GMFG: variants seen among roughly 807,000 people sequenced by gnomAD.
The protein encoded by GMFG is glia maturation factor gamma.
Under a neutral mutation model 26.1 loss-of-function variants are expected in GMFG, and 21 were observed. The observed-to-expected ratio is 0.80, with a 90% CI of 0.57 to 1.16. GMFG has a LOEUF of 1.16. GMFG is among the 50% of genes most tolerant of loss of function. The pLI is 0.00. For missense variants in GMFG, 161 were observed against 178.3 expected, an observed-to-expected ratio of 0.90 and a Z score of 0.55; for synonymous variants, 65 against 60.8, an observed-to-expected ratio of 1.07 and a Z score of -0.32.
chr19:39,331,146 T>C (rs1290858238), intron 4 of GMFG, among the ~76,000 whole-genome samples: 3 of 151,898 alleles, frequency 2.0e-5, no homozygotes, highest in African/African-American at 7.3e-5. Flanking sequence ...AGGCAAGGGG[T>C]GCCTTCTGGA....
At position 39,333,080 on chromosome 19, in the gene GMFG, G is replaced by A; in HGVS notation, c.197C>T (p.Pro66Leu). 1 of 1,599,392 alleles carries A rather than the reference G, an allele frequency of 6.3e-7. No individual in the cohort carries two copies. Among genetic ancestry groups the A allele is most frequent in the South Asian group, 1.1e-5 (1 of 90,636 alleles). The change falls in exon 4 of 7, where the codon CCC becomes CTC. Residue 66 changes from proline (P) to leucine (L), a missense_variant. Physicochemically the swap from Pro to Leu is moderately conservative, Grantham distance 98. Coordinates refer to ENST00000597595, the MANE Select transcript of GMFG (RefSeq NM_004877.4). ...ACCCTTTCTTCCCCCAGGATACCTG[G>A]GCTGTCTCTCCGGCAACTCCATTTT... is the stretch of plus-strand genomic sequence containing the variant. Reference protein sequence around the residue: ...ELKMELPERQPRFVVYSYKYV... With the variant: ...ELKMELPERQLRFVVYSYKYV...
intron 5 of GMFG, 56 bp downstream of exon 5, chr19:39,329,488 A>C: frequency 1.1e-6 from 1 of 905,290 alleles, no homozygotes; most frequent in Non-Finnish European, 1.8e-6. Context: ...TTACACACAA[A>C]CACACACACA....
In GMFG at chr19:39,333,065, C is replaced by G. The variant is rs1205762637; in HGVS notation, c.200+12G>C. On this transcript the variant is annotated intron_variant, in intron 4 of 6. Transcript: ENST00000597595. ...TCATGGCCTGATCCAACCCTTTCTT[C>G]CCCCAGGATACCTGGGCTGTCTCTC... The G allele has an allele frequency of 6.3e-7, 1 of 1,584,824 alleles. No individual in the cohort carries two copies. Among genetic ancestry groups the G allele is most frequent in the East Asian group, 2.3e-5 (1 of 44,168 alleles).
At position 39,335,528 on chromosome 19, in the gene GMFG, C is replaced by T. The variant is rs1344853135; in HGVS notation, c.7G>A (p.Asp3Asn). The T allele has an allele frequency of 6.2e-7, 1 of 1,610,858 alleles. No homozygotes were observed. Among genetic ancestry groups the T allele is most frequent in the East Asian group, 2.2e-5 (1 of 44,868 alleles). ...TCTACCTCGCACACCACCAGGGAGT[C>T]AGACTGCCGGAGGGACCCAGGAAGA... MS[D>N]SLVVCEVDPE... Residue 3 changes from aspartate to asparagine, a missense_variant, in exon 2 of 7, where the codon GAC (aspartate) becomes AAC (asparagine). Coordinates refer to ENST00000597595, the MANE Select transcript of GMFG (RefSeq NM_004877.4).
At chr19:39,332,245 G>A (rs909217510) in intron 4 of GMFG, among the ~76,000 whole-genome samples, 8 of 151,336 alleles carry the variant, frequency 5.3e-5, no homozygotes, top group African/African-American at 1.7e-4. Flanking sequence ...CCAGAGAATC[G>A]CTTGAACCCA....
rs753426420 is a variant in GMFG at position 39,329,027 on chromosome 19, C to T, written c.330G>A (p.Arg110=). The T allele has an allele frequency of 6.2e-7, 1 of 1,613,768 alleles. No individual in the cohort carries two copies. The highest frequency in any genetic ancestry group is 1.3e-5 in the African/African-American group (1 of 75,048). The change falls in exon 6 of 7, where the codon AGG becomes AGA. Residue 110 remains arginine, a synonymous_variant. Coordinates refer to ENST00000597595, the MANE Select transcript of GMFG (RefSeq NM_004877.4). ...TTGTGAGCTCTGCTGTCTGCACCAG[C>T]CTGTTTTTACTCCCTGCATACATCA... ...QQMMYAGSKN[R]LVQTAELTKV...
intron 4 of GMFG, among the ~76,000 whole-genome samples, chr19:39,332,422 G>A (rs2075230369): frequency 6.6e-6 from 1 of 151,222 alleles, no homozygotes; most frequent in Non-Finnish European, 1.5e-5. Context: ...CCCGCCTCAG[G>A]CTCCCAAAGG....
intron 3 of GMFG, 30 bp downstream of exon 3, chr19:39,335,231 C>T (rs1600494031): frequency 6.6e-7 from 1 of 1,519,324 alleles, no homozygotes; most frequent in East Asian, 2.3e-5. Context: ...CACCCTGTAC[C>T]TCCCAGTCCC....
chr19:39,334,814 G>T lies in GMFG; in HGVS notation c.150+447C>A, dbSNP rs138249515. Among the ~76,000 whole-genome samples, 640 of 152,258 alleles carry T rather than the reference G, an allele frequency of 4.2e-3. 5 individuals carry two copies. Among genetic ancestry groups the T allele is most frequent in the Non-Finnish European group, 7.1e-3 (480 of 68,008 alleles). On this transcript the variant is annotated intron_variant, in intron 3 of 6. Transcript: ENST00000597595. ...GTCTCTTGCTGGGGGTCATGAGTGA[G>T]CTAGAACTTGATCTCCAGGGTTTTT...
chr19:39,332,575 G>A (rs978887945), intron 4 of GMFG, among the ~76,000 whole-genome samples: 1 of 148,400 alleles, frequency 6.7e-6, no homozygotes, highest in African/African-American at 2.5e-5. Flanking sequence ...ATAAATAATC[G>A]GTATAAAATT....
At chr19:39,328,762 C>T (rs565461813) in intron 6 of GMFG, 1 of 610,128 alleles carries the variant, frequency 1.6e-6, no homozygotes, top group South Asian at 1.9e-5. Context: ...GCCTGTCGTC[C>T]CACTACTTGG....
intron 3 of GMFG, among the ~76,000 whole-genome samples, chr19:39,334,898 G>A (rs1218196725): frequency 6.6e-6 from 1 of 152,084 alleles, no homozygotes; most frequent in Non-Finnish European, 1.5e-5. Context: ...GGTTCAGACT[G>A]AAGTGTAGTG....
Position 39,328,483 on chromosome 19 carries a change from A to G in GMFG, c.423T>C (p.Phe141=). The change falls in exon 7 of 7, where the codon TTT becomes TTC. Residue 141 remains phenylalanine (F), a synonymous_variant. Transcript: ENST00000597595. ...EAWLQEKLSF[F]R is the part of the protein sequence containing the mutation. The stretch of plus-strand genomic sequence containing the variant: ...TCAGTCCCCAGCCCAGAGATCAACG[A>G]AAGAAAGACAACTTTTCTTGGAGCC... 1 of 1,610,392 alleles carries G rather than the reference A, an allele frequency of 6.2e-7. No homozygotes were observed. Among genetic ancestry groups the G allele is most frequent in the African/African-American group, 1.3e-5 (1 of 74,992 alleles).
intron 3 of GMFG, among the ~76,000 whole-genome samples, chr19:39,334,390 C>T (rs765668597): frequency 7.2e-5 from 11 of 152,030 alleles, no homozygotes; most frequent in Non-Finnish European, 1.0e-4. Context: ...ACCTCAGCCT[C>T]CTGTGTAGCT....
At chr19:39,335,724 G>A (rs1416593189) in intron 1 of GMFG, among the ~76,000 whole-genome samples, 193 bp from the exon 2 acceptor site, 1 of 152,158 alleles carries the variant, frequency 6.6e-6, no homozygotes, top group African/African-American at 2.4e-5. Context: ...GGGGGGCGGA[G>A]CAGAGGCTGG....
At chr19:39,330,535 C>A (rs2075222114) in intron 4 of GMFG, among the ~76,000 whole-genome samples, 1 of 151,538 alleles carries the variant, frequency 6.6e-6, no homozygotes, top group Non-Finnish European at 1.5e-5. Flanking sequence ...CTCAAGCAAT[C>A]CTCCTATCTC....
chr19:39,328,659 A>G (rs891786040), intron 6 of GMFG, 111 bp from the exon 7 acceptor site: 1 of 766,924 alleles, frequency 1.3e-6, no homozygotes, highest in African/African-American at 1.7e-5. Flanking sequence ...TGGGTGGATC[A>G]CTTAAGGTCA....
At chr19:39,329,163 C>T (rs1416284301) in intron 5 of GMFG, 90 bp from the exon 6 acceptor site, 11 of 864,910 alleles carry the variant, frequency 1.3e-5, no homozygotes, top group Non-Finnish European at 1.7e-5. Flanking sequence ...CTGCAGCTTG[C>T]CAAGGGTCCT....
chr19:39,329,813 T>C (rs1482839356), intron 4 of GMFG, among the ~76,000 whole-genome samples, 187 bp from the exon 5 acceptor site: 3 of 152,176 alleles, frequency 2.0e-5, no homozygotes, highest in Admixed American at 2.0e-4. Flanking sequence ...GGCGCAGGAC[T>C]CACACCTATA....
Sources: allele counts gnomAD v4.1 joint callset (sites outside exome capture counted in the v4.1 genomes callset), GRCh38; gene constraint gnomAD v4.1.1; transcripts MANE v1.5; gene names NCBI Gene and HGNC (gene_info 2026-07-23, HGNC 2026-07-21).